Variants in GRID1 observed in about 807,000 individuals in gnomAD.
GRID1 encodes glutamate receptor ionotropic, delta-1.
A neutral mutation model predicts 98.0 loss-of-function variants in GRID1; 28 were observed. The observed-to-expected ratio is 0.29, with a 90% CI of 0.21 to 0.39. The LOEUF (loss-of-function observed/expected upper bound fraction) is 0.39. GRID1 is among the 10% of genes least tolerant of loss of function. The probability of loss-of-function intolerance (pLI) is 1.00; values close to 1 mark genes in which losing one functional copy is unlikely to be tolerated. For missense variants in GRID1, 1,111 were observed against 1,340.5 expected, an observed-to-expected ratio of 0.83 and a Z score of 2.67; for synonymous variants, 553 against 538.5, an observed-to-expected ratio of 1.03 and a Z score of -0.37.
chr10:85,856,155 C>T lies in GRID1; in HGVS notation c.987G>A (p.Met329Ile), dbSNP rs749076589. Reference sequence around the variant, plus strand: ...GCTTCCTGTGAAAGGCGTTGGCCAGCATCAGAACACTGTCATACAGATAGA... The same window carrying T: ...GCTTCCTGTGAAAGGCGTTGGCCAGTATCAGAACACTGTCATACAGATAGA... ...SNLYLYDSVL[M>I]LANAFHRKLE... is the part of the protein sequence containing the mutation. The change falls in exon 7 of 16, where the codon ATG (methionine) becomes ATA (isoleucine). Residue 329 changes from methionine to isoleucine, a missense_variant. By Grantham distance (10) the Met-to-Ile change is conservative (BLOSUM62 1). This residue lies in a region of GRID1 where 346 missense variants were observed against 452.3 expected (regional missense o/e 0.76). Transcript: ENST00000327946. The T allele has an allele frequency of 6.2e-7, 1 of 1,614,172 alleles. No individual in the cohort carries two copies. The highest frequency in any genetic ancestry group is 1.1e-5 in the South Asian group (1 of 91,074).
At chr10:86,078,760 C>A (rs1843922460) in intron 4 of GRID1, among the ~76,000 whole-genome samples, 1 of 152,194 alleles carries the variant, frequency 6.6e-6, no homozygotes, top group Admixed American at 6.5e-5. Flanking sequence ...CTGGCCCCAG[C>A]CTTCTCCATG....
At chr10:85,870,153 A>T (rs1029139597) in intron 5 of GRID1, among the ~76,000 whole-genome samples, 7 of 152,246 alleles carry the variant, frequency 4.6e-5, no homozygotes, top group African/African-American at 1.7e-4. Flanking sequence ...AGTGGGCAAC[A>T]TCTAATCAGC....
At chr10:86,281,005 C>T (rs1847349678) in intron 2 of GRID1, among the ~76,000 whole-genome samples, 1 of 152,226 alleles carries the variant, frequency 6.6e-6, no homozygotes, top group Non-Finnish European at 1.5e-5. Flanking sequence ...TCCTCTGAAC[C>T]TCGCCTGGAG....
At chr10:86,005,877 C>T (rs1461492464) in intron 4 of GRID1, among the ~76,000 whole-genome samples, 1 of 152,184 alleles carries the variant, frequency 6.6e-6, no homozygotes, top group Non-Finnish European at 1.5e-5. Context: ...AGATATATAA[C>T]ATACTTGTGG....
At chr10:85,952,719 T>C in intron 4 of GRID1, among the ~76,000 whole-genome samples, 1 of 152,198 alleles carries the variant, frequency 6.6e-6, no homozygotes, top group East Asian at 1.9e-4. Flanking sequence ...GGGTTCTCTC[T>C]GGTATGATCC....
chr10:85,830,460 G>C (rs1842857754), intron 8 of GRID1, among the ~76,000 whole-genome samples: 1 of 152,064 alleles, frequency 6.6e-6, no homozygotes, highest in African/African-American at 2.4e-5. Flanking sequence ...TGACAAAGGA[G>C]ACCTCAGTAA....
intron 4 of GRID1, among the ~76,000 whole-genome samples, chr10:86,050,305 A>ATG (rs1402852296): frequency 6.6e-6 from 1 of 152,248 alleles, no homozygotes. Flanking sequence ...TGTAAGAAGT[A>ATG]TGTGTGTGTA....
At chr10:86,213,015 C>A (rs1228070310) in intron 2 of GRID1, among the ~76,000 whole-genome samples, 1 of 152,084 alleles carries the variant, frequency 6.6e-6, no homozygotes, top group East Asian at 1.9e-4. Context: ...GAGCACAGGA[C>A]ACACACTTGA....
chr10:85,904,235 A>T (rs192114454), intron 5 of GRID1, among the ~76,000 whole-genome samples: 229 of 152,370 alleles, frequency 1.5e-3, no homozygotes, highest in African/African-American at 5.4e-3. Context: ...CAAAAAGACT[A>T]GGAAAAACCT....
chr10:85,664,074 C>T (rs915016984), intron 12 of GRID1, among the ~76,000 whole-genome samples: 1 of 152,088 alleles, frequency 6.6e-6, no homozygotes, highest in Non-Finnish European at 1.5e-5. Context: ...AATAGTCACT[C>T]AATGTTGATG....
intron 4 of GRID1, among the ~76,000 whole-genome samples, chr10:86,039,654 C>T (rs1843318865): frequency 6.6e-6 from 1 of 152,154 alleles, no homozygotes; most frequent in Non-Finnish European, 1.5e-5. Flanking sequence ...GAGGCCCAGG[C>T]TGGGATCCCC....
intron 4 of GRID1, among the ~76,000 whole-genome samples, chr10:86,095,364 T>C (rs1449548807): frequency 6.6e-6 from 1 of 152,184 alleles, no homozygotes; most frequent in Non-Finnish European, 1.5e-5. Flanking sequence ...TGGGAACTAA[T>C]TGAACTAAAG....
chr10:85,619,755 A>G, intron 14 of GRID1, 112 bp downstream of exon 14: 1 of 808,862 alleles, frequency 1.2e-6, no homozygotes, highest in Non-Finnish European at 2.0e-6. Flanking sequence ...GCTTGGGAAA[A>G]TATGACGAAC....
intron 3 of GRID1, among the ~76,000 whole-genome samples, chr10:86,169,702 C>A (rs1589395890): frequency 6.6e-6 from 1 of 152,210 alleles, no homozygotes; most frequent in African/African-American, 2.4e-5. Context: ...TTTCAATCCC[C>A]AGGCAGAAGA....
At chr10:85,698,577 C>T (rs912308994) in intron 12 of GRID1, among the ~76,000 whole-genome samples, 2 of 152,226 alleles carry the variant, frequency 1.3e-5, no homozygotes, top group African/African-American at 4.8e-5. Flanking sequence ...TTAGAAGATA[C>T]CTTAGTTGCT....
intron 4 of GRID1, among the ~76,000 whole-genome samples, chr10:86,090,700 A>AT (rs752122429): frequency 8.5e-5 from 13 of 152,208 alleles, no homozygotes; most frequent in Non-Finnish European, 1.9e-4. Context: ...TGCATTGTGA[A>AT]TTTTAGCTCC....
chr10:86,170,486 G>A (rs1845467930), intron 3 of GRID1, among the ~76,000 whole-genome samples: 1 of 152,232 alleles, frequency 6.6e-6, no homozygotes, highest in Non-Finnish European at 1.5e-5. Context: ...CCCCAGGAGA[G>A]GGCAATGCCC....
chr10:86,024,338 G>A (rs747974518), intron 4 of GRID1, among the ~76,000 whole-genome samples: 7 of 152,202 alleles, frequency 4.6e-5, no homozygotes, highest in African/African-American at 9.7e-5. Flanking sequence ...AAGGTAGCCA[G>A]CCCCCAGTTC....
chr10:85,904,986 T>C (rs1841440163), intron 5 of GRID1, among the ~76,000 whole-genome samples: 1 of 151,856 alleles, frequency 6.6e-6, no homozygotes, highest in African/African-American at 2.4e-5. Context: ...AAAGTTTTGA[T>C]GAAAATTATA....
Sources: allele counts gnomAD v4.1 joint callset (sites outside exome capture counted in the v4.1 genomes callset), GRCh38; gene constraint gnomAD v4.1.1; regional missense constraint gnomAD v4.1.1; transcripts MANE v1.5; gene names NCBI Gene and HGNC (gene_info 2026-07-23, HGNC 2026-07-21).